KCNMA1: variants seen among roughly 807,000 people sequenced by gnomAD.
The protein encoded by KCNMA1 is Calcium-activated potassium channel subunit alpha-1.
In KCNMA1, 29 loss-of-function variants were observed where a neutral mutation model predicts 140.0. The ratio of observed to expected loss-of-function variants is 0.21; its 90% CI spans 0.15 to 0.28. The LOEUF (loss-of-function observed/expected upper bound fraction) is 0.28, where lower values mean the gene tolerates loss of function less well. Ranked by LOEUF, KCNMA1 falls within the 10% of genes least tolerant of loss-of-function variation. KCNMA1 has a pLI of 1.00. For synonymous variants in KCNMA1, 612 were observed against 611.9 expected, an observed-to-expected ratio of 1.00 and a Z score of 0.00; for missense variants, 880 against 1,602.2, an observed-to-expected ratio of 0.55 and a Z score of 7.70.
chr10:77,331,665 AT>A (rs2086485519), intron 2 of KCNMA1, among the ~76,000 whole-genome samples: 1 of 129,514 alleles, frequency 7.7e-6, no homozygotes, highest in African/African-American at 3.0e-5. Context: ...AAAAAAAAAA[AT>A]CAGCTGGGTA....
At chr10:77,087,560 A>G (rs375193554) in intron 10 of KCNMA1, among the ~76,000 whole-genome samples, 51 of 152,228 alleles carry the variant, frequency 3.4e-4, no homozygotes, top group Non-Finnish European at 6.3e-4. Context: ...ATCAAAAAGT[A>G]TCACTCTGAG....
chr10:77,135,728 G>A (rs1228467671), intron 5 of KCNMA1, among the ~76,000 whole-genome samples: 4 of 152,138 alleles, frequency 2.6e-5, no homozygotes, highest in Non-Finnish European at 5.9e-5. Context: ...AGTTAAATAA[G>A]CCATGCACAG....
chr10:77,001,981 A>G (rs1437182551), intron 18 of KCNMA1, among the ~76,000 whole-genome samples: 2 of 152,204 alleles, frequency 1.3e-5, no homozygotes, highest in South Asian at 2.1e-4. Flanking sequence ...CTGCCAATCA[A>G]TGAAATTAGC....
intron 2 of KCNMA1, among the ~76,000 whole-genome samples, chr10:77,352,162 C>T (rs1433629426): frequency 1.3e-5 from 2 of 152,198 alleles, no homozygotes; most frequent in African/African-American, 2.4e-5. Context: ...AATCAGATAA[C>T]AAAATACACA....
intron 6 of KCNMA1, among the ~76,000 whole-genome samples, chr10:77,116,427 T>C (rs530504160): frequency 6.6e-6 from 1 of 152,218 alleles, no homozygotes; most frequent in Non-Finnish European, 1.5e-5. Context: ...ACAAGACATG[T>C]TTCAGTTAAC....
intron 1 of KCNMA1, among the ~76,000 whole-genome samples, chr10:77,594,094 C>T (rs186113269): frequency 6.6e-6 from 1 of 152,168 alleles, no homozygotes; most frequent in East Asian, 1.9e-4. Context: ...AAGAAAAAGG[C>T]CCCAATTTTT....
intron 16 of KCNMA1, among the ~76,000 whole-genome samples, chr10:77,025,233 G>GGTGT (rs199865838): frequency 1.3e-4 from 8 of 59,312 alleles, no homozygotes; most frequent in African/African-American, 1.8e-4. Context: ...GTTGGAGAGG[G>GGTGT]GTGTGTGTGT....
intron 2 of KCNMA1, among the ~76,000 whole-genome samples, chr10:77,402,197 A>T (rs553028635): frequency 6.6e-6 from 1 of 152,282 alleles, no homozygotes; most frequent in East Asian, 1.9e-4. Flanking sequence ...TAAGTTTCCA[A>T]TGCAGAATCC....
intron 6 of KCNMA1, among the ~76,000 whole-genome samples, chr10:77,113,112 T>C (rs971772418): frequency 2.0e-5 from 3 of 152,220 alleles, no homozygotes; most frequent in African/African-American, 7.2e-5. Context: ...ATGCACTGCA[T>C]TTGGCTGTTA....
intron 1 of KCNMA1, among the ~76,000 whole-genome samples, chr10:77,417,223 A>G (rs1175709060): frequency 4.6e-5 from 7 of 152,124 alleles, no homozygotes; most frequent in Admixed American, 1.3e-4. Flanking sequence ...TGCTCCCCCA[A>G]TTCCACATGG....
chr10:76,945,608 C>A (rs2063716045), intron 22 of KCNMA1, among the ~76,000 whole-genome samples: 1 of 152,024 alleles, frequency 6.6e-6, no homozygotes, highest in Non-Finnish European at 1.5e-5. Context: ...AAAAAATACA[C>A]AGGGAAATGA....
intron 1 of KCNMA1, among the ~76,000 whole-genome samples, chr10:77,480,682 G>A (rs947250996): frequency 5.3e-5 from 8 of 152,048 alleles, no homozygotes; most frequent in African/African-American, 1.2e-4. Flanking sequence ...TGTTACAGGC[G>A]CCTCCAAGAC....
intron 1 of KCNMA1, among the ~76,000 whole-genome samples, chr10:77,567,764 T>C (rs953611216): frequency 1.3e-5 from 2 of 151,980 alleles, no homozygotes; most frequent in Admixed American, 6.6e-5. Context: ...TATGACACAT[T>C]TAATCTGTAA....
chr10:77,412,017 C>A (rs370516867), intron 1 of KCNMA1, among the ~76,000 whole-genome samples: 1 of 152,192 alleles, frequency 6.6e-6, no homozygotes, highest in African/African-American at 2.4e-5. Flanking sequence ...TGAGCTCTGC[C>A]GGGCCTGACG....
At chr10:77,256,573 C>G (rs113620266) in intron 2 of KCNMA1, among the ~76,000 whole-genome samples, 2 of 152,122 alleles carry the variant, frequency 1.3e-5, no homozygotes, top group African/African-American at 2.4e-5. Flanking sequence ...ATGTATGAGG[C>G]CTGCAGGCTT....
intron 3 of KCNMA1, among the ~76,000 whole-genome samples, chr10:77,198,576 T>TAC (rs1018790730): frequency 2.7e-5 from 4 of 147,196 alleles, no homozygotes; most frequent in African/African-American, 9.9e-5. Flanking sequence ...GTGATATATA[T>TAC]ATATATATAT....
intron 1 of KCNMA1, among the ~76,000 whole-genome samples, chr10:77,517,118 C>T (rs1471586704): frequency 6.6e-6 from 1 of 151,998 alleles, no homozygotes; most frequent in East Asian, 1.9e-4. Flanking sequence ...GCTTTTTCTC[C>T]CTGATGCAAA....
At position 77,473,988 on chromosome 10, in the gene KCNMA1, G is replaced by C. The variant is rs1311356772; in HGVS notation, c.379-69965C>G. 2.0e-5 allele frequency among the ~76,000 whole-genome samples: 3 copies of C among 152,244 alleles called. No homozygotes were observed. In the East Asian group the frequency reaches 5.8e-4, roughly 29 times the overall value. ...TGCGCTCCTCCTCCGCCTCACCCAG[G>C]GCCGGTCCTTAGAGCAGTCACAATG... On this transcript the variant is annotated intron_variant, in intron 1 of 27. Transcript: ENST00000286628.
intron 16 of KCNMA1, chr10:77,025,565 T>C: frequency 1.1e-6 from 1 of 898,750 alleles, no homozygotes; most frequent in Non-Finnish European, 1.8e-6. Context: ...ACTTGAAGGA[T>C]GCATGTGAAA....
Sources: allele counts gnomAD v4.1 joint callset (sites outside exome capture counted in the v4.1 genomes callset), GRCh38; gene constraint gnomAD v4.1.1; transcripts MANE v1.5; gene names NCBI Gene and HGNC (gene_info 2026-07-23, HGNC 2026-07-21).